Variants in PGCKA1 observed in about 807,000 individuals in gnomAD.
PGCKA1 encodes the protein PDCD10 and GCKIII kinases-associated protein 1.
chr4:37,497,301 T>A, the PGCKA1 span, among the ~76,000 whole-genome samples: 25 of 152,316 alleles, frequency 1.6e-4, no homozygotes, highest in Non-Finnish European at 3.4e-4. Flanking sequence ...CCATCATATA[T>A]ATATATACCA....
chr4:37,460,945 C>T, the PGCKA1 span: 1 of 369,724 alleles, frequency 2.7e-6, no homozygotes, highest in Non-Finnish European at 5.2e-6. Flanking sequence ...CCTAGATTCT[C>T]TTCTGGGGTT....
At chr4:37,482,117 G>C in the PGCKA1 span, among the ~76,000 whole-genome samples, 1 of 152,174 alleles carries the variant, frequency 6.6e-6, no homozygotes, top group East Asian at 1.9e-4. Flanking sequence ...TTTATTAGCA[G>C]TGTTAGAATA....
the PGCKA1 span, among the ~76,000 whole-genome samples, chr4:37,467,962 A>G: frequency 5.9e-5 from 9 of 152,322 alleles, no homozygotes; most frequent in South Asian, 8.3e-4. Context: ...GAGCTCGCTC[A>G]TGTTCTCTCT....
chr4:37,491,851 GT>G, the PGCKA1 span, among the ~76,000 whole-genome samples: 2 of 151,834 alleles, frequency 1.3e-5, no homozygotes, highest in Non-Finnish European at 2.9e-5. Flanking sequence ...CCATTTATTT[GT>G]TTTTTCACTC....
the PGCKA1 span, among the ~76,000 whole-genome samples, chr4:37,567,389 G>A: frequency 6.6e-6 from 1 of 152,214 alleles, no homozygotes; most frequent in East Asian, 1.9e-4. Flanking sequence ...TATAGCAAGC[G>A]CTATGCATAC....
chr4:37,563,660 C>T, the PGCKA1 span, among the ~76,000 whole-genome samples: 11 of 152,254 alleles, frequency 7.2e-5, no homozygotes, highest in African/African-American at 2.6e-4. Flanking sequence ...TTACCCTGAA[C>T]TAGTTTATTC....
At chr4:37,569,190 TTTTTATTTTA>T in the PGCKA1 span, among the ~76,000 whole-genome samples, 1 of 151,630 alleles carries the variant, frequency 6.6e-6, no homozygotes, top group African/African-American at 2.4e-5. Context: ...AATTTCTTTA[TTTTTATTTTA>T]TTTTATTTTA....
chr4:37,556,546 A>G, the PGCKA1 span, among the ~76,000 whole-genome samples: 68,750 of 151,906 alleles, frequency 0.45, 15,885 homozygotes, highest in African/African-American at 0.53. Flanking sequence ...TGGGATTACA[A>G]GCATGACCAC....
chr4:37,476,209 G>T, the PGCKA1 span, among the ~76,000 whole-genome samples: 1 of 152,056 alleles, frequency 6.6e-6, no homozygotes, highest in Non-Finnish European at 1.5e-5. Context: ...AATATATTTA[G>T]CACATGGTTT....
the PGCKA1 span, among the ~76,000 whole-genome samples, chr4:37,483,936 T>G: frequency 6.6e-6 from 1 of 152,228 alleles, no homozygotes; most frequent in Non-Finnish European, 1.5e-5. Context: ...TTGACTTTTC[T>G]CTGTTTCTTT....
chr4:37,523,236 G>A, the PGCKA1 span, among the ~76,000 whole-genome samples: 1 of 152,126 alleles, frequency 6.6e-6, no homozygotes, highest in Non-Finnish European at 1.5e-5. Flanking sequence ...GCTGAGTTTG[G>A]TCCTGTTTTC....
At chr4:37,583,314 C>A in the PGCKA1 span, among the ~76,000 whole-genome samples, 46 of 152,216 alleles carry the variant, frequency 3.0e-4, no homozygotes, top group Non-Finnish European at 6.0e-4. Context: ...TGGAGAACTC[C>A]TGGGCTTCCC....
the PGCKA1 span, among the ~76,000 whole-genome samples, chr4:37,472,645 C>G: frequency 3.3e-5 from 5 of 152,160 alleles, no homozygotes; most frequent in Non-Finnish European, 1.5e-5. Context: ...TTCTAATGGT[C>G]ATATTTCACC....
chr4:37,582,789 C>A, the PGCKA1 span, among the ~76,000 whole-genome samples: 1 of 151,958 alleles, frequency 6.6e-6, no homozygotes, highest in African/African-American at 2.4e-5. Flanking sequence ...GTTTCTCCAA[C>A]GTAAGGATAA....
chr4:37,482,417 G>A, the PGCKA1 span, among the ~76,000 whole-genome samples: 1 of 152,194 alleles, frequency 6.6e-6, no homozygotes. Context: ...TATGCAAAGA[G>A]ACTGGTTGCA....
chr4:37,567,398 ACTTAT>A, the PGCKA1 span, among the ~76,000 whole-genome samples: 1 of 152,224 alleles, frequency 6.6e-6, no homozygotes, highest in Non-Finnish European at 1.5e-5. Flanking sequence ...CGCTATGCAT[ACTTAT>A]CTTAGTGTTC....
the PGCKA1 span, among the ~76,000 whole-genome samples, chr4:37,538,714 G>A: frequency 2.6e-5 from 4 of 152,294 alleles, no homozygotes; most frequent in South Asian, 8.3e-4. Flanking sequence ...TCATTTCCTG[G>A]TTTATGATGG....
chr4:37,540,941 A>C, the PGCKA1 span, among the ~76,000 whole-genome samples: 50 of 146,808 alleles, frequency 3.4e-4, no homozygotes, highest in African/African-American at 7.3e-4. Flanking sequence ...TTGGAAAAAA[A>C]CCCCTTTTTT....
chr4:37,531,005 A>C, the PGCKA1 span, among the ~76,000 whole-genome samples: 1 of 152,196 alleles, frequency 6.6e-6, no homozygotes, highest in African/African-American at 2.4e-5. Flanking sequence ...AAAAGGGAAA[A>C]AAAAACTGTT....
Sources: allele counts gnomAD v4.1 joint callset (sites outside exome capture counted in the v4.1 genomes callset), GRCh38; gene constraint gnomAD v4.1.1; transcripts MANE v1.5; gene names NCBI Gene and HGNC (gene_info 2026-07-23, HGNC 2026-07-21).